The following RASGRF2 variants were observed in gnomAD, a reference collection of about 807,000 sequenced individuals.
RASGRF2 encodes ras-specific guanine nucleotide-releasing factor 2.
A neutral mutation model predicts 151.0 loss-of-function variants in RASGRF2; 76 were observed. The observed-to-expected ratio is 0.50, with a 90% CI of 0.42 to 0.61. RASGRF2 has a LOEUF of 0.61. Among genes scored for constraint, RASGRF2 ranks in the 20% least tolerant of loss-of-function variants. The probability of loss-of-function intolerance (pLI) is 0.00; values close to 1 mark genes in which losing one functional copy is unlikely to be tolerated. For missense variants in RASGRF2, 1,148 were observed against 1,564.6 expected (o/e 0.73, Z 4.49); for synonymous variants, 504 against 566.5 (o/e 0.89, Z 1.57).
chr5:81,135,486 C>A (rs1352361265), intron 17 of RASGRF2, among the ~76,000 whole-genome samples: 1 of 152,132 alleles, frequency 6.6e-6, no homozygotes, highest in African/African-American at 2.4e-5. Context: ...TCTCTATAAA[C>A]TTATTTGTTC....
At chr5:81,043,033 T>C (rs1412907793) in intron 2 of RASGRF2, 50 bp downstream of exon 2, 1 of 1,403,058 alleles carries the variant, frequency 7.1e-7, no homozygotes, top group East Asian at 2.3e-5. Context: ...GGTCCTGCAT[T>C]GGGGTTATCA....
intron 17 of RASGRF2, among the ~76,000 whole-genome samples, chr5:81,137,641 G>A (rs10223133): frequency 0.18 from 26,869 of 152,124 alleles, 3,080 homozygotes; most frequent in Admixed American, 0.28. Flanking sequence ...GAGGCTATTA[G>A]GACATACACA....
At chr5:81,034,816 A>AGGGGGGGGG (rs1750420246) in intron 1 of RASGRF2, among the ~76,000 whole-genome samples, 1 of 117,654 alleles carries the variant, frequency 8.5e-6, no homozygotes, top group Admixed American at 8.2e-5. Flanking sequence ...GGAGGGGGGT[A>AGGGGGGGGG]GGGATAGCAT....
intron 25 of RASGRF2, 159 bp from the exon 26 acceptor site, chr5:81,219,551 G>C (rs1054933306): frequency 1.8e-6 from 1 of 545,218 alleles, no homozygotes; most frequent in Non-Finnish European, 3.3e-6. Flanking sequence ...AGTCAAGAAA[G>C]CACCAACCAT....
chr5:81,120,017 G>A (rs946790775), intron 15 of RASGRF2, among the ~76,000 whole-genome samples: 7 of 152,032 alleles, frequency 4.6e-5, no homozygotes, highest in African/African-American at 7.2e-5. Context: ...GGTGAAGCCC[G>A]TAGAGCCAAC....
intron 5 of RASGRF2, among the ~76,000 whole-genome samples, chr5:81,077,731 A>C (rs1302024532): frequency 1.3e-5 from 2 of 152,174 alleles, no homozygotes; most frequent in African/African-American, 4.8e-5. Context: ...GGGATTGTGT[A>C]CTGAACTCTG....
chr5:81,180,136 C>A, intron 17 of RASGRF2, 39 bp from the exon 18 acceptor site: 5 of 1,257,070 alleles, frequency 4.0e-6, no homozygotes, highest in Non-Finnish European at 5.8e-6. Context: ...TAGGGAGTGG[C>A]TTTAACTGCA....
chr5:81,171,372 A>G (rs894206020), intron 17 of RASGRF2, among the ~76,000 whole-genome samples: 2 of 152,182 alleles, frequency 1.3e-5, no homozygotes, highest in Non-Finnish European at 2.9e-5. Flanking sequence ...GGGGGTGAAT[A>G]TTGTTTCACA....
chr5:81,006,657 T>C (rs1749278896), intron 1 of RASGRF2, among the ~76,000 whole-genome samples: 1 of 152,190 alleles, frequency 6.6e-6, no homozygotes, highest in Non-Finnish European at 1.5e-5. Flanking sequence ...TTTGACATGC[T>C]GAACCGAGGA....
At chr5:81,181,739 C>T (rs1754921472) in intron 18 of RASGRF2, among the ~76,000 whole-genome samples, 1 of 152,122 alleles carries the variant, frequency 6.6e-6, no homozygotes, top group Admixed American at 6.5e-5. Flanking sequence ...TAAGGCTGAG[C>T]TGGTTCTCTC....
intron 16 of RASGRF2, among the ~76,000 whole-genome samples, chr5:81,126,793 T>A (rs896257649): frequency 6.6e-6 from 1 of 152,262 alleles, no homozygotes; most frequent in African/African-American, 2.4e-5. Flanking sequence ...GTTTATCAAT[T>A]GGTGGACATT....
At chr5:81,084,055 T>C (rs564567311) in intron 7 of RASGRF2, among the ~76,000 whole-genome samples, 1 of 152,354 alleles carries the variant, frequency 6.6e-6, no homozygotes, top group African/African-American at 2.4e-5. Flanking sequence ...TTTCAGTGCC[T>C]GTTTGTTCCT....
intron 3 of RASGRF2, among the ~76,000 whole-genome samples, chr5:81,069,495 C>T (rs1445451017): frequency 2.6e-5 from 4 of 152,202 alleles, no homozygotes; most frequent in African/African-American, 9.7e-5. Flanking sequence ...ATTTACTCCA[C>T]GAGAGAAGCT....
At chr5:81,000,817 G>T (rs1257602464) in intron 1 of RASGRF2, among the ~76,000 whole-genome samples, 1 of 152,150 alleles carries the variant, frequency 6.6e-6, no homozygotes, top group Non-Finnish European at 1.5e-5. Flanking sequence ...TGTTCAATCT[G>T]GATTTCTTCA....
intron 15 of RASGRF2, among the ~76,000 whole-genome samples, chr5:81,117,218 G>A (rs1753185393): frequency 6.6e-6 from 1 of 152,124 alleles, no homozygotes; most frequent in South Asian, 2.1e-4. Flanking sequence ...AGTTAGACTT[G>A]GGGTATCTTA....
intron 22 of RASGRF2, among the ~76,000 whole-genome samples, chr5:81,211,968 C>A (rs1040231072): frequency 1.3e-5 from 2 of 152,152 alleles, no homozygotes; most frequent in African/African-American, 4.8e-5. Context: ...TAATCACACA[C>A]TGTTGGGGGC....
At chr5:81,055,221 G>T (rs1049795327) in intron 2 of RASGRF2, among the ~76,000 whole-genome samples, 1 of 152,184 alleles carries the variant, frequency 6.6e-6, no homozygotes, top group African/African-American at 2.4e-5. Context: ...CAAAGGGAAT[G>T]CTTCCAGGTT....
chr5:81,010,160 A>AG (rs150167357), intron 1 of RASGRF2, among the ~76,000 whole-genome samples: 1 of 151,978 alleles, frequency 6.6e-6, no homozygotes, highest in African/African-American at 2.4e-5. Context: ...TCTCAAAAAA[A>AG]AAAAAAGAAA....
chr5:80,969,566 A>G (rs1042731620), intron 1 of RASGRF2, among the ~76,000 whole-genome samples: 2 of 150,314 alleles, frequency 1.3e-5, no homozygotes, highest in Non-Finnish European at 3.0e-5. Flanking sequence ...CTCCTGCCTC[A>G]GCCTCCCAAG....
Sources: allele counts gnomAD v4.1 joint callset (sites outside exome capture counted in the v4.1 genomes callset), GRCh38; gene constraint gnomAD v4.1.1; transcripts MANE v1.5; gene names NCBI Gene and HGNC (gene_info 2026-07-23, HGNC 2026-07-21).